Variants in XRRA1 observed in about 807,000 individuals in gnomAD.
The protein encoded by XRRA1 is X-ray radiation resistance-associated protein 1.
XRRA1 carries 69 observed loss-of-function variants against 80.2 expected under a neutral mutation model. The ratio of observed to expected loss-of-function variants is 0.86; its 90% CI spans 0.71 to 1.05. The LOEUF is 1.05. Among genes scored for constraint, XRRA1 ranks in the 50% least tolerant of loss-of-function variants. The pLI, the probability that XRRA1 is intolerant of heterozygous loss-of-function variation, is 0.00. For missense variants in XRRA1, 967 were observed against 976.4 expected (o/e 0.99, Z 0.13); for synonymous variants, 348 against 389.9 (o/e 0.89, Z 1.27).
At chr11:74,891,692 C>T (rs964634878) in intron 10 of XRRA1, among the ~76,000 whole-genome samples, 4 of 152,124 alleles carry the variant, frequency 2.6e-5, no homozygotes, top group African/African-American at 9.7e-5. Flanking sequence ...AGCTGATAGG[C>T]AACTTCAGCA....
rs1010092566 is a variant in XRRA1, at chr11:74,934,102, A to T, written c.280-230T>A. Among the ~76,000 whole-genome samples, 3 of 152,118 alleles carry T rather than the reference A, an allele frequency of 2.0e-5. No individual in the cohort carries two copies. In the South Asian group the frequency reaches 6.2e-4, roughly 32 times the overall value. On this transcript the variant is annotated intron_variant, in intron 4 of 18. Coordinates refer to ENST00000684022, the MANE Select transcript of XRRA1 (RefSeq NM_001378157.1). ...GAATACATTAACAAACTTTCTTCTA[A>T]TCCTAATTAAGCCCTTTGATTATAA... is the stretch of plus-strand genomic sequence containing the variant.
chr11:74,843,180 C>T lies in XRRA1; in HGVS notation c.*20G>A. The T allele has an allele frequency of 6.5e-7, 1 of 1,542,532 alleles. No homozygotes were observed. Among genetic ancestry groups the T allele is most frequent in the South Asian group, 1.2e-5 (1 of 83,178 alleles). Reference sequence around the variant, plus strand: ...GCTGGGGCACAGGCCGGGTGGTGCACACAGCCCCCATGCACAGCTCTAGCC... The same window carrying T: ...GCTGGGGCACAGGCCGGGTGGTGCATACAGCCCCCATGCACAGCTCTAGCC... On this transcript the variant is annotated 3_prime_UTR_variant, in exon 19 of 19. Coordinates refer to ENST00000684022, the MANE Select transcript of XRRA1 (RefSeq NM_001378157.1).
chr11:74,850,876 T>C (rs2039646255), intron 14 of XRRA1: 1 of 304,752 alleles, frequency 3.3e-6, no homozygotes, highest in African/African-American at 2.2e-5. Flanking sequence ...TAACTTTCAA[T>C]GGTAAGAGTT....
intron 10 of XRRA1, among the ~76,000 whole-genome samples, chr11:74,888,605 C>T (rs182867552): frequency 1.5e-4 from 23 of 152,242 alleles, no homozygotes; most frequent in African/African-American, 4.1e-4. Context: ...AGGCTTCGGA[C>T]GATCGAACTA....
At chr11:74,910,510 T>C (rs1443738455) in intron 8 of XRRA1, among the ~76,000 whole-genome samples, 1 of 151,594 alleles carries the variant, frequency 6.6e-6, no homozygotes, top group Non-Finnish European at 1.5e-5. Flanking sequence ...ACAAAAAAAA[T>C]AGCAAGAAAT....
At chr11:74,853,983 A>G (rs545945966) in intron 12 of XRRA1, among the ~76,000 whole-genome samples, 4 of 151,818 alleles carry the variant, frequency 2.6e-5, no homozygotes, top group African/African-American at 9.7e-5. Flanking sequence ...GATGATGTAG[A>G]TACTGGGGGG....
rs531371674 is a variant in XRRA1 at position 74,842,758 on chromosome 11, C to T, written c.*442G>A. The T allele has an allele frequency of 4.5e-5, 8 of 178,514 alleles. No individual in the cohort carries two copies. In the East Asian group the frequency reaches 1.2e-3, roughly 26 times the overall value. 11.1% of individuals were successfully genotyped at this position (178,514 alleles called of 1,614,324 possible). ...ATGACACTGTCCCTGCACATTAGGG[C>T]TGTACTCACAAGATCTGGTTTTTAA... On this transcript the variant is annotated 3_prime_UTR_variant, in exon 19 of 19. Transcript: ENST00000684022.
chr11:74,926,878 T>G (rs1438535008), intron 7 of XRRA1, among the ~76,000 whole-genome samples: 1 of 152,142 alleles, frequency 6.6e-6, no homozygotes, highest in Non-Finnish European at 1.5e-5. Context: ...TCCGAGGTTA[T>G]GGACTAGGCC....
Position 74,842,810 on chromosome 11 carries a change from C to G in XRRA1, c.*390G>C, listed in dbSNP as rs1315370054. 5 of 202,914 alleles carry G rather than the reference C, an allele frequency of 2.5e-5. No individual in the cohort carries two copies. Among genetic ancestry groups the G allele is most frequent in the Non-Finnish European group, 5.0e-5 (5 of 100,344 alleles). The allele number at this position is 202,914 out of a possible 1,614,324, so 12.6% of individuals were successfully genotyped here. ...AATACCCTTTTTTGGAGCCATTGTT[C>G]AGGAATTTGTTAAGATCCCCTTGGT... is the stretch of plus-strand genomic sequence containing the variant. On this transcript the variant is annotated 3_prime_UTR_variant, in exon 19 of 19. Coordinates refer to ENST00000684022, the MANE Select transcript of XRRA1 (RefSeq NM_001378157.1).
intron 10 of XRRA1, among the ~76,000 whole-genome samples, chr11:74,887,262 CT>C (rs2049259729): frequency 6.6e-6 from 1 of 152,118 alleles, no homozygotes; most frequent in African/African-American, 2.4e-5. Flanking sequence ...GCAAAGGAAA[CT>C]ATCAACAGAG....
intron 8 of XRRA1, among the ~76,000 whole-genome samples, chr11:74,918,128 C>A (rs1227592136): frequency 6.6e-6 from 1 of 152,052 alleles, no homozygotes; most frequent in African/African-American, 2.4e-5. Context: ...GTTCAGAAGA[C>A]CACATCAGTT....
At chr11:74,922,043 G>A (rs1940965917) in intron 7 of XRRA1, among the ~76,000 whole-genome samples, 1 of 152,024 alleles carries the variant, frequency 6.6e-6, no homozygotes, top group Non-Finnish European at 1.5e-5. Flanking sequence ...AGATCATGAG[G>A]TCAGGAGATT....
At chr11:74,944,617 C>T (rs1001203775) in intron 2 of XRRA1, among the ~76,000 whole-genome samples, 4 of 152,222 alleles carry the variant, frequency 2.6e-5, no homozygotes, top group Non-Finnish European at 4.4e-5. Flanking sequence ...CTCCATACTT[C>T]GCCTAGTATA....
chr11:74,912,854 A>G (rs930738361), intron 8 of XRRA1, among the ~76,000 whole-genome samples: 1 of 152,230 alleles, frequency 6.6e-6, no homozygotes, highest in African/African-American at 2.4e-5. Context: ...CCTAGTAGCT[A>G]CACTATGAAC....
chr11:74,877,970 A>G (rs1454673681), intron 10 of XRRA1, among the ~76,000 whole-genome samples: 4 of 152,070 alleles, frequency 2.6e-5, no homozygotes, highest in African/African-American at 9.6e-5. Flanking sequence ...TCCTTTGGGT[A>G]TATACCCAGT....
At chr11:74,882,180 C>G (rs558723239) in intron 10 of XRRA1, among the ~76,000 whole-genome samples, 1 of 152,282 alleles carries the variant, frequency 6.6e-6, no homozygotes, top group Non-Finnish European at 1.5e-5. Flanking sequence ...TTCACATAGT[C>G]CCATATTTCT....
At chr11:74,853,971 G>T (rs910878408) in intron 12 of XRRA1, among the ~76,000 whole-genome samples, 3 of 152,098 alleles carry the variant, frequency 2.0e-5, no homozygotes, top group Non-Finnish European at 4.4e-5. Flanking sequence ...ACAAGACTTG[G>T]TGATGATGTA....
At chr11:74,847,115 AAATT>A in intron 15 of XRRA1, among the ~76,000 whole-genome samples, 1 of 152,216 alleles carries the variant, frequency 6.6e-6, no homozygotes, top group South Asian at 2.1e-4. Flanking sequence ...TAACTCTCTC[AAATT>A]GTTTCTTTTA....
intron 10 of XRRA1, among the ~76,000 whole-genome samples, chr11:74,894,899 T>C (rs2051861808): frequency 6.6e-6 from 1 of 152,060 alleles, no homozygotes; most frequent in Admixed American, 6.5e-5. Flanking sequence ...TTCATAGAAG[T>C]AGAAAACCAA....
Sources: gnomAD v4.1 joint callset for allele counts (sites outside exome capture counted in the v4.1 genomes callset) on GRCh38, gnomAD v4.1.1 for gene constraint, MANE v1.5 for transcripts, NCBI Gene and HGNC (gene_info 2026-07-23, HGNC 2026-07-21) for gene names.